The following TTC28 variants were observed in gnomAD, a reference collection of about 807,000 sequenced individuals.
TTC28 encodes tetratricopeptide repeat domain 28.
TTC28 carries 61 observed loss-of-function variants against 198.0 expected under a neutral mutation model. That is an observed-to-expected ratio of 0.31 (90% confidence interval 0.25 to 0.38). The LOEUF (loss-of-function observed/expected upper bound fraction) is 0.38, where lower values mean the gene tolerates loss of function less well. TTC28 is among the 10% of genes least tolerant of loss of function. The pLI, the probability that TTC28 is intolerant of heterozygous loss-of-function variation, is 1.00. For synonymous variants in TTC28, 1,171 were observed against 1,297.8 expected (o/e 0.90, Z 2.10); for missense variants, 2,678 against 3,164.0 (o/e 0.85, Z 3.69).
At chr22:28,092,582 G>A (rs1215884751) in intron 12 of TTC28, among the ~76,000 whole-genome samples, 2 of 152,084 alleles carry the variant, frequency 1.3e-5, no homozygotes, top group Non-Finnish European at 2.9e-5. Flanking sequence ...GGCCAGCCAT[G>A]CCCCTCTAAC....
rs570931489 is a variant in TTC28 at position 28,385,806 on chromosome 22, T to A, written c.382-79163A>T. Reference sequence around the variant, plus strand: ...CTTTATCTTTCACTAAATATCCCCATGCACTAGCCCATATGCAATCTTTAC... The same window carrying A: ...CTTTATCTTTCACTAAATATCCCCAAGCACTAGCCCATATGCAATCTTTAC... On this transcript the variant is annotated intron_variant, in intron 2 of 22. Transcript: ENST00000397906. 4.4e-4 allele frequency among the ~76,000 whole-genome samples: 67 copies of A among 152,300 alleles called. 1 individual carries two copies. Among genetic ancestry groups the A allele is most frequent in the Admixed American group, 6.5e-4 (10 of 15,296 alleles).
At chr22:28,032,173 T>TATATATATATATATA (rs1939118073) in intron 12 of TTC28, among the ~76,000 whole-genome samples, 1 of 104,190 alleles carries the variant, frequency 9.6e-6, no homozygotes, top group Admixed American at 1.1e-4. Context: ...TGTGTGTATA[T>TATATATATATATATA]ATATATATAT....
intron 2 of TTC28, among the ~76,000 whole-genome samples, chr22:28,581,445 T>A (rs894640614): frequency 6.6e-6 from 1 of 152,208 alleles, no homozygotes; most frequent in Non-Finnish European, 1.5e-5. Context: ...AGGGATGTAG[T>A]AATGAACTAA....
At chr22:28,173,784 AC>A in intron 5 of TTC28, among the ~76,000 whole-genome samples, 1 of 152,334 alleles carries the variant, frequency 6.6e-6, no homozygotes, top group Non-Finnish European at 1.5e-5. Context: ...CATCGATGAC[AC>A]TACCATTAAA....
intron 2 of TTC28, among the ~76,000 whole-genome samples, chr22:28,414,831 T>G (rs1020579974): frequency 6.6e-6 from 1 of 152,214 alleles, no homozygotes; most frequent in Non-Finnish European, 1.5e-5. Context: ...CAATTTTGCA[T>G]GGAAACTTCA....
intron 21 of TTC28, among the ~76,000 whole-genome samples, chr22:27,988,836 C>T (rs1400910401): frequency 1.3e-5 from 2 of 152,168 alleles, no homozygotes; most frequent in East Asian, 1.9e-4. Context: ...CCTGTCCTGG[C>T]CCTGCTCCCA....
intron 3 of TTC28, 122 bp from the exon 4 acceptor site, chr22:28,297,974 T>A: frequency 3.5e-6 from 4 of 1,156,028 alleles, no homozygotes; most frequent in Non-Finnish European, 2.4e-6. Flanking sequence ...ATTTCAAGTA[T>A]AAACTCTTCA....
At chr22:28,523,639 C>A (rs2048950567) in intron 2 of TTC28, among the ~76,000 whole-genome samples, 1 of 152,106 alleles carries the variant, frequency 6.6e-6, no homozygotes, top group South Asian at 2.1e-4. Context: ...GAGAGAGATG[C>A]ATCATCATTT....
In TTC28 at chr22:28,642,472, T is replaced by C. The variant is rs543565090; in HGVS notation, c.103-12642A>G. ...ACAAAAAAAAAACACTAGCTTCGCC[T>C]GTGAAAGGCCCAAGCAGTTTATTTT... is the stretch of plus-strand genomic sequence containing the variant. On this transcript the variant is annotated intron_variant, in intron 1 of 22. Transcript: ENST00000397906. Among the ~76,000 whole-genome samples the C allele has an allele frequency of 2.3e-4, 35 of 150,696 alleles. 1 individual carries two copies. Among genetic ancestry groups the C allele is most frequent in the Non-Finnish European group, 4.0e-4 (27 of 67,796 alleles).
chr22:28,037,224 T>G lies in TTC28; in HGVS notation c.3933-6858A>C, dbSNP rs189158604. Among the ~76,000 whole-genome samples, 1,036 of 152,282 alleles carry G rather than the reference T, an allele frequency of 6.8e-3. 5 individuals are homozygous for G. Among genetic ancestry groups the G allele is most frequent in the Non-Finnish European group, 9.7e-3 (663 of 68,024 alleles). Reference sequence around the variant, plus strand: ...GCAGAGACACAACAAAAAAAGAGAATTTTAGGCCAATATCCCTGACGACCA... The same window carrying G: ...GCAGAGACACAACAAAAAAAGAGAAGTTTAGGCCAATATCCCTGACGACCA... On this transcript the variant is annotated intron_variant, in intron 12 of 22. Transcript: ENST00000397906.
At chr22:28,049,585 C>T (rs1482361498) in intron 12 of TTC28, among the ~76,000 whole-genome samples, 2 of 152,168 alleles carry the variant, frequency 1.3e-5, no homozygotes, top group African/African-American at 2.4e-5. Context: ...CTACTCCTTC[C>T]CTTCCCCCAG....
chr22:28,546,408 T>G (rs2049543645), intron 2 of TTC28, among the ~76,000 whole-genome samples: 1 of 152,148 alleles, frequency 6.6e-6, no homozygotes, highest in Non-Finnish European at 1.5e-5. Context: ...AGGGCACCAA[T>G]GCACTCCAGC....
chr22:28,331,341 T>C lies in TTC28; in HGVS notation c.382-24698A>G, dbSNP rs1418936308. On this transcript the variant is annotated intron_variant, in intron 2 of 22. Transcript: ENST00000397906. ...AAAAAGTATATATAAGGAAAACCTT[T>C]TTCCATATTCCAAATGAAAATGTTA... Among the ~76,000 whole-genome samples, 10 of 152,232 alleles carry C rather than the reference T, an allele frequency of 6.6e-5. No homozygotes were observed. In the East Asian group the frequency reaches 1.9e-3, roughly 29 times the overall value.
chr22:27,997,243 C>T (rs973096759), intron 16 of TTC28, among the ~76,000 whole-genome samples: 1 of 152,216 alleles, frequency 6.6e-6, no homozygotes, highest in Non-Finnish European at 1.5e-5. Context: ...AAGGGACGGC[C>T]GTGAGGTGAC....
At chr22:28,027,616 C>T (rs1938888264) in intron 13 of TTC28, among the ~76,000 whole-genome samples, 1 of 152,240 alleles carries the variant, frequency 6.6e-6, no homozygotes, top group Admixed American at 6.5e-5. Context: ...AGGCCCTACA[C>T]ACATGGTTGC....
rs778476278 is a variant in TTC28, at chr22:28,532,642, G to A, written c.381+96910C>T. Among the ~76,000 whole-genome samples, 7 of 152,248 alleles carry A rather than the reference G, an allele frequency of 4.6e-5. No homozygotes were observed. The East Asian group carries it at 7.7e-4, about 17-fold the overall frequency. Reference sequence around the variant, plus strand: ...TAGACCATTATCCGTGATGAACATCGATGCAAAAATCCTCAATAAAATATT... The same window carrying A: ...TAGACCATTATCCGTGATGAACATCAATGCAAAAATCCTCAATAAAATATT... On this transcript the variant is annotated intron_variant, in intron 2 of 22. Coordinates refer to ENST00000397906, the MANE Select transcript of TTC28 (RefSeq NM_001145418.2).
chr22:28,297,581 T>A lies in TTC28; in HGVS notation c.801A>T (p.Leu267Phe). The A allele has an allele frequency of 6.4e-7, 1 of 1,550,446 alleles. No individual in the cohort carries two copies. The highest frequency in any genetic ancestry group is 8.7e-7 in the Non-Finnish European group (1 of 1,146,052). ...MQQDLDVAKT[L>F]GDQTGECRAH... ...TGAAATAGAGAAGCATCACTCTACC[T>A]AAGGTCTTGGCTACATCCAAGTCCT... Residue 267 changes from leucine to phenylalanine, a missense_variant and splice_region_variant, in exon 4 of 23, where the codon TTA (leucine) becomes TTT (phenylalanine). Transcript: ENST00000397906.
At chr22:28,484,755 A>G (rs1052120928) in intron 2 of TTC28, among the ~76,000 whole-genome samples, 2 of 152,202 alleles carry the variant, frequency 1.3e-5, no homozygotes, top group Admixed American at 1.3e-4. Context: ...TAAAAGAGGA[A>G]TAAGTAAGCA....
chr22:28,543,590 A>G (rs1477574218), intron 2 of TTC28, among the ~76,000 whole-genome samples: 1 of 152,160 alleles, frequency 6.6e-6, no homozygotes, highest in Non-Finnish European at 1.5e-5. Flanking sequence ...CTTTGTATCT[A>G]TTAAAACAAT....
Sources: allele counts gnomAD v4.1 joint callset (sites outside exome capture counted in the v4.1 genomes callset), GRCh38; gene constraint gnomAD v4.1.1; transcripts MANE v1.5; gene names NCBI Gene and HGNC (gene_info 2026-07-23, HGNC 2026-07-21).